Variants in FANCC observed in about 807,000 individuals in gnomAD.
The protein encoded by FANCC is Fanconi anemia group C protein.
In FANCC, 55 loss-of-function variants were observed where a neutral mutation model predicts 71.3. The ratio of observed to expected loss-of-function variants is 0.77; its 90% CI spans 0.62 to 0.97. The LOEUF is 0.97. FANCC is among the 50% of genes least tolerant of loss of function. The pLI is 0.00. For missense variants in FANCC, 678 were observed against 670.9 expected (o/e 1.01, Z -0.12); for synonymous variants, 275 against 244.9 (o/e 1.12, Z -1.15).
At chr9:95,159,383 T>C (rs7045836) in intron 6 of FANCC, among the ~76,000 whole-genome samples, 69,504 of 152,046 alleles carry the variant, frequency 0.46, 16,095 homozygotes, top group East Asian at 0.58. Context: ...TATGGCTGCA[T>C]AGCATTCCAT....
intron 1 of FANCC, among the ~76,000 whole-genome samples, chr9:95,254,695 C>T (rs933775719): frequency 2.0e-5 from 3 of 152,160 alleles, no homozygotes; most frequent in Non-Finnish European, 2.9e-5. Context: ...TTTTTTCATA[C>T]ACCAGTGGCA....
At chr9:95,166,950 T>G (rs1328530852) in intron 6 of FANCC, among the ~76,000 whole-genome samples, 1 of 152,220 alleles carries the variant, frequency 6.6e-6, no homozygotes, top group African/African-American at 2.4e-5. Flanking sequence ...CATTTCAACT[T>G]GAAGGACTCC....
In FANCC at chr9:95,309,974, C is replaced by T. The variant is rs534257316; in HGVS notation, c.-79+7552G>A. 1.8e-3 allele frequency among the ~76,000 whole-genome samples: 277 copies of T among 152,308 alleles called. 2 individuals carry two copies. The highest frequency in any genetic ancestry group is 6.3e-3 in the African/African-American group (261 of 41,566). ...TATTGGCTAGAACAATCACAATGTC[C>T]TACCTAGCTGCAAGTGAACTGGGAA... On this transcript the variant is annotated intron_variant, in intron 1 of 14. Transcript: ENST00000289081.
chr9:95,261,846 C>T lies in FANCC; in HGVS notation c.-78-12477G>A, dbSNP rs989866136. On this transcript the variant is annotated intron_variant, in intron 1 of 14. Coordinates refer to ENST00000289081, the MANE Select transcript of FANCC (RefSeq NM_000136.3). ...GTGAAGGACCCACACATGCTTGATC[C>T]TGTCCCTGTTTCCTGCCAGGTGGGA... Among the ~76,000 whole-genome samples, 5 of 152,180 alleles carry T rather than the reference C, an allele frequency of 3.3e-5. No homozygotes were observed. In the East Asian group the frequency reaches 9.6e-4, roughly 29 times the overall value.
At chr9:95,145,275 T>A (rs578232727) in intron 7 of FANCC, 4 of 152,332 alleles carry the variant, frequency 2.6e-5, no homozygotes, top group African/African-American at 9.6e-5. Context: ...GATCCATTTA[T>A]GACAGTGAAA....
chr9:95,276,634 G>A (rs1398461426), intron 1 of FANCC, among the ~76,000 whole-genome samples: 1 of 152,194 alleles, frequency 6.6e-6, no homozygotes, highest in Non-Finnish European at 1.5e-5. Flanking sequence ...AGGATCTCAA[G>A]AACGACAACA....
In FANCC at chr9:95,101,781, G is replaced by A. The variant is rs185822330; in HGVS notation, c.1603C>T (p.Arg535Cys). 37 of 1,614,128 alleles carry A rather than the reference G, an allele frequency of 2.3e-5. No individual in the cohort carries two copies. Among genetic ancestry groups the A allele is most frequent in the African/African-American group, 1.9e-4 (14 of 75,052 alleles). ...GATCTAGGGCTTTCAATGCCAAGAC[G>A]ATTCCATCTGTACAAGGTCTGGTCA... is the stretch of plus-strand genomic sequence containing the variant. Reference protein sequence around the residue: ...FLDQTLYRWNRLGIESPRSEK... With the variant: ...FLDQTLYRWNCLGIESPRSEK... The change falls in exon 15 of 15, where the codon CGT becomes TGT. Residue 535 changes from arginine (R) to cysteine (C), a missense_variant. Physicochemically the swap from Arg to Cys is radical, Grantham distance 180. Coordinates refer to ENST00000289081, the MANE Select transcript of FANCC (RefSeq NM_000136.3).
intron 7 of FANCC, among the ~76,000 whole-genome samples, chr9:95,136,359 G>A (rs1206228991): frequency 1.3e-5 from 2 of 151,940 alleles, no homozygotes; most frequent in Non-Finnish European, 2.9e-5. Flanking sequence ...CTCCAACCTG[G>A]GCAAAAGAGC....
Position 95,125,221 on chromosome 9 carries a change from CAAGT to C in FANCC, c.897-40_897-37del, listed in dbSNP as rs1263573298. The stretch of plus-strand genomic sequence containing the variant: ...CAAAGTCAGATCAGAACACGTTTAA[CAAGT>C]AATCCGGCAAACATGAAAACCTGCA... On this transcript the variant is annotated intron_variant, in intron 9 of 14. Transcript: ENST00000289081. The C allele has an allele frequency of 2.6e-6, 4 of 1,553,552 alleles. 1 individual carries two copies. Among genetic ancestry groups the C allele is most frequent in the Non-Finnish European group, 3.6e-6 (4 of 1,124,774 alleles).
rs192957556 is a variant in FANCC, at chr9:95,140,201, G to A, written c.687-4699C>T. The stretch of plus-strand genomic sequence containing the variant: ...TTCTCCTTTAAAATAATGAGCAGTA[G>A]GCTTCCAGTCAGGGCTCCACCTAGA... On this transcript the variant is annotated intron_variant, in intron 7 of 14. Transcript: ENST00000289081. Among the ~76,000 whole-genome samples the A allele has an allele frequency of 1.8e-3, 277 of 152,162 alleles. 2 individuals are homozygous for A. The highest frequency in any genetic ancestry group is 6.3e-3 in the African/African-American group (261 of 41,506).
rs528168019 is a variant in FANCC, at chr9:95,125,147, A to G, written c.935T>C (p.Ile312Thr). Residue 312 changes from isoleucine (I) to threonine (T), a missense_variant, in exon 10 of 15, where the codon ATA becomes ACA. Physicochemically the swap from Ile to Thr is moderately conservative, Grantham distance 89. Coordinates refer to ENST00000289081, the MANE Select transcript of FANCC (RefSeq NM_000136.3). Reference protein sequence around the residue: ...LLETDGALEIIATIQVFTQCF... With the variant: ...LLETDGALEITATIQVFTQCF... Reference sequence around the variant, plus strand: ...CTGCGTAAACACCTGAATAGTGGCTATGATTTCCAGGGCCCCATCGGTTTC... The same window carrying G: ...CTGCGTAAACACCTGAATAGTGGCTGTGATTTCCAGGGCCCCATCGGTTTC... The G allele has an allele frequency of 6.2e-7, 1 of 1,614,240 alleles. No homozygotes were observed. Among genetic ancestry groups the G allele is most frequent in the Non-Finnish European group, 8.5e-7 (1 of 1,180,034 alleles).
chr9:95,177,750 G>C (rs1826105254), intron 4 of FANCC, among the ~76,000 whole-genome samples: 1 of 151,876 alleles, frequency 6.6e-6, no homozygotes, highest in Non-Finnish European at 1.5e-5. Flanking sequence ...TCAACCCCTG[G>C]CTCACTGTTG....
At chr9:95,298,182 T>C (rs1834505324) in intron 1 of FANCC, among the ~76,000 whole-genome samples, 1 of 152,044 alleles carries the variant, frequency 6.6e-6, no homozygotes, top group Admixed American at 6.5e-5. Context: ...GAGATGCTTA[T>C]CAGGGAGAAC....
chr9:95,193,056 G>A (rs1804381993), intron 4 of FANCC, among the ~76,000 whole-genome samples: 1 of 152,204 alleles, frequency 6.6e-6, no homozygotes, highest in African/African-American at 2.4e-5. Context: ...CAGCCAACAA[G>A]AGTTGAGGTG....
At chr9:95,234,293 C>G (rs1310355186) in intron 4 of FANCC, among the ~76,000 whole-genome samples, 2 of 152,176 alleles carry the variant, frequency 1.3e-5, no homozygotes, top group Non-Finnish European at 2.9e-5. Flanking sequence ...ATCATATATT[C>G]ATTAATTTAT....
chr9:95,298,318 A>G (rs1372719923), intron 1 of FANCC, among the ~76,000 whole-genome samples: 1 of 152,232 alleles, frequency 6.6e-6, no homozygotes, highest in Non-Finnish European at 1.5e-5. Context: ...AAGGGGCAAC[A>G]AAGGAGTAGG....
intron 4 of FANCC, among the ~76,000 whole-genome samples, chr9:95,198,589 G>A (rs1286018597): frequency 6.6e-6 from 1 of 152,184 alleles, no homozygotes; most frequent in Non-Finnish European, 1.5e-5. Flanking sequence ...GCCACATGAG[G>A]CCCTCCTCTA....
chr9:95,171,120 T>C lies in FANCC; in HGVS notation c.480A>G (p.Glu160=). 6.2e-7 allele frequency: 1 copy of C among 1,613,580 alleles called. No homozygotes were observed. Among genetic ancestry groups the C allele is most frequent in the Non-Finnish European group, 8.5e-7 (1 of 1,179,644 alleles). Residue 160 remains glutamate (E), a synonymous_variant, in exon 6 of 15, where the codon GAA becomes GAG. Coordinates refer to ENST00000289081, the MANE Select transcript of FANCC (RefSeq NM_000136.3). ...ATCCATTAAGATGATTCTCTCTGAG[T>C]TCAGACGCTAATGATAAAACCATCT... ...LKNMVLSLAS[E]LRENHLNGFN...
chr9:95,133,995 G>C (rs998832415), intron 8 of FANCC, among the ~76,000 whole-genome samples: 1 of 152,168 alleles, frequency 6.6e-6, no homozygotes, highest in Non-Finnish European at 1.5e-5. Context: ...TTATCCTTAA[G>C]AAATCTGTTT....
Sources: allele counts gnomAD v4.1 joint callset (sites outside exome capture counted in the v4.1 genomes callset), GRCh38; gene constraint gnomAD v4.1.1; transcripts MANE v1.5; gene names NCBI Gene and HGNC (gene_info 2026-07-23, HGNC 2026-07-21).